Variants in LEKR1 observed in about 807,000 individuals in gnomAD.
LEKR1 encodes the protein protein LEKR1.
A neutral mutation model predicts 72.4 loss-of-function variants in LEKR1; 59 were observed. That is an observed-to-expected ratio of 0.82 (90% CI 0.66 to 1.01). The LOEUF (loss-of-function observed/expected upper bound fraction) is 1.01. Among genes scored for constraint, LEKR1 ranks in the 50% least tolerant of loss-of-function variants. LEKR1 has a pLI of 0.00. For synonymous variants in LEKR1, 257 were observed against 263.2 expected (o/e 0.98, Z 0.23); for missense variants, 728 against 759.2 (o/e 0.96, Z 0.48).
Position 156,948,254 on chromosome 3 carries a change from T to G in LEKR1, c.745+5540T>G, listed in dbSNP as rs1431328835. On this transcript the variant is annotated intron_variant, in intron 6 of 12. Transcript: ENST00000356539. ...TTGCCATTCTTGTTAAATTTGTTAC[T>G]GTCAGTTTTGCCTCTACCATAAATA... 4.0e-5 allele frequency among the ~76,000 whole-genome samples: 6 copies of G among 151,280 alleles called. No homozygotes were observed. The Admixed American group carries it at 4.0e-4, about 10-fold the overall frequency.
At chr3:156,895,444 A>G (rs1411286080) in intron 3 of LEKR1, among the ~76,000 whole-genome samples, 1 of 152,034 alleles carries the variant, frequency 6.6e-6, no homozygotes, top group East Asian at 1.9e-4. Context: ...CAGAAACCCC[A>G]TCTCTACAAA....
chr3:157,033,801 T>G (rs1734785086), intron 12 of LEKR1, among the ~76,000 whole-genome samples: 1 of 152,208 alleles, frequency 6.6e-6, no homozygotes, highest in Non-Finnish European at 1.5e-5. Flanking sequence ...ACAGAAGCTT[T>G]GAAGCCAAAC....
intron 2 of LEKR1, among the ~76,000 whole-genome samples, chr3:156,830,383 T>C (rs562317885): frequency 6.6e-6 from 1 of 152,322 alleles, no homozygotes; most frequent in African/African-American, 2.4e-5. Flanking sequence ...GGAAGTACTT[T>C]CAAGAAGCAG....
rs184532808 is a variant in LEKR1 at position 157,021,648 on chromosome 3, A to G, written c.1204-3112A>G. 8.3e-4 allele frequency among the ~76,000 whole-genome samples: 126 copies of G among 152,254 alleles called. 1 individual carries two copies. Among genetic ancestry groups the G allele is most frequent in the African/African-American group, 3.0e-3 (124 of 41,570 alleles). ...GAGCAATCAATCCGTATTTGGAAAG[A>G]TGTCGTTTTGTCCTAAAATAGCTAT... On this transcript the variant is annotated intron_variant, in intron 10 of 12. Coordinates refer to ENST00000356539, the MANE Select transcript of LEKR1 (RefSeq NM_001004316.3).
At chr3:156,998,648 A>G (rs1012642149) in intron 9 of LEKR1, among the ~76,000 whole-genome samples, 1 of 152,156 alleles carries the variant, frequency 6.6e-6, no homozygotes, top group Admixed American at 6.5e-5. Flanking sequence ...GATATAAATA[A>G]TATACATCTG....
intron 3 of LEKR1, among the ~76,000 whole-genome samples, chr3:156,884,220 C>G (rs1449572330): frequency 6.6e-6 from 1 of 152,118 alleles, no homozygotes; most frequent in Admixed American, 6.6e-5. Context: ...GGATTTTCAT[C>G]CATTCTGCTG....
At chr3:156,978,518 T>C (rs1729898955) in intron 6 of LEKR1, among the ~76,000 whole-genome samples, 1 of 152,194 alleles carries the variant, frequency 6.6e-6, no homozygotes, top group African/African-American at 2.4e-5. Flanking sequence ...CACAGGACAA[T>C]GGAAGGACTT....
intron 5 of LEKR1, among the ~76,000 whole-genome samples, chr3:156,934,469 C>G (rs1243042706): frequency 6.6e-6 from 1 of 152,162 alleles, no homozygotes; most frequent in African/African-American, 2.4e-5. Flanking sequence ...AGGCTTCATT[C>G]ATTAGCTACA....
intron 4 of LEKR1, 149 bp from the exon 5 acceptor site, chr3:156,927,280 T>C (rs1724805541): frequency 4.4e-6 from 1 of 229,200 alleles, no homozygotes; most frequent in Non-Finnish European, 8.4e-6. Flanking sequence ...GTGTTTTGTC[T>C]CAGCATAATA....
At chr3:156,981,819 A>G (rs1730232365) in intron 7 of LEKR1, among the ~76,000 whole-genome samples, 1 of 152,244 alleles carries the variant, frequency 6.6e-6, no homozygotes, top group African/African-American at 2.4e-5. Context: ...TTGATATATT[A>G]ATACAATTTG....
chr3:157,028,367 C>T lies in LEKR1; in HGVS notation c.1633C>T (p.Gln545Ter), dbSNP rs749332044. ...GAAAAGAGTAATGCTGGCTCAAACA[C>T]AACTGATAGAGCAATTTAACCAGTC... Reference protein sequence around the residue: ...ELKRVMLAQTQLIEQFNQSQE... With the variant: ...ELKRVMLAQT The change falls in exon 12 of 13, where the codon CAA becomes TAA. Residue 545 changes from glutamine (Q) to a stop codon, truncating the protein, a stop_gained. Coordinates refer to ENST00000356539, the MANE Select transcript of LEKR1 (RefSeq NM_001004316.3). LOFTEE classifies it low-confidence loss of function (END_TRUNC). 7 of 1,610,128 alleles carry T rather than the reference C, an allele frequency of 4.3e-6. No homozygotes were observed. The African/African-American group carries it at 5.4e-5, about 12-fold the overall frequency.
At chr3:156,849,785 G>A (rs1715111099) in intron 2 of LEKR1, among the ~76,000 whole-genome samples, 1 of 152,080 alleles carries the variant, frequency 6.6e-6, no homozygotes, top group Admixed American at 6.6e-5. Flanking sequence ...TTACATGTTA[G>A]ACCTAAAACC....
At chr3:157,023,457 GT>G (rs1733975974) in intron 10 of LEKR1, among the ~76,000 whole-genome samples, 1 of 152,176 alleles carries the variant, frequency 6.6e-6, no homozygotes, top group Non-Finnish European at 1.5e-5. Flanking sequence ...GAAGGAGTGA[GT>G]TATGGTTTCT....
intron 5 of LEKR1, among the ~76,000 whole-genome samples, chr3:156,938,736 T>C (rs1271405459): frequency 6.6e-6 from 1 of 152,222 alleles, no homozygotes; most frequent in African/African-American, 2.4e-5. Context: ...GGTCACTGCA[T>C]CTTTTTCCCT....
intron 4 of LEKR1, among the ~76,000 whole-genome samples, chr3:156,926,571 C>T (rs1274082113): frequency 6.6e-6 from 1 of 151,926 alleles, no homozygotes; most frequent in Non-Finnish European, 1.5e-5. Context: ...TTGAGGGATT[C>T]TTTTTAGTTT....
At chr3:156,850,095 G>A (rs191095933) in intron 2 of LEKR1, among the ~76,000 whole-genome samples, 84 of 151,962 alleles carry the variant, frequency 5.5e-4, no homozygotes, top group African/African-American at 1.9e-3. Flanking sequence ...AAAAGTGGGC[G>A]AAGGATATGA....
At position 157,026,096 on chromosome 3, in the gene LEKR1, T is replaced by C. The variant is rs139183939; in HGVS notation, c.1368+1172T>C. On this transcript the variant is annotated intron_variant, in intron 11 of 12. Transcript: ENST00000356539. ...AGTGATTTTATCTTTGAACTTCTGT[T>C]TTGTAAGTGAAATCCTACTGTGGCA... is the stretch of plus-strand genomic sequence containing the variant. Among the ~76,000 whole-genome samples the C allele has an allele frequency of 1.5e-4, 23 of 152,250 alleles. No individual in the cohort carries two copies. The East Asian group carries it at 4.1e-3, about 27-fold the overall frequency.
intron 10 of LEKR1, among the ~76,000 whole-genome samples, chr3:157,014,799 T>C (rs1468249154): frequency 6.6e-6 from 1 of 152,172 alleles, no homozygotes; most frequent in Admixed American, 6.6e-5. Context: ...GTAATTTTCA[T>C]TATTATGACA....
chr3:156,963,334 C>T (rs9875585), intron 6 of LEKR1, among the ~76,000 whole-genome samples: 77,382 of 151,886 alleles, frequency 0.51, 21,335 homozygotes, highest in East Asian at 0.73. Context: ...CTAACACCTA[C>T]GTGGGCACAC....
Sources: allele counts gnomAD v4.1 joint callset (sites outside exome capture counted in the v4.1 genomes callset), GRCh38; gene constraint gnomAD v4.1.1; transcripts MANE v1.5; gene names NCBI Gene and HGNC (gene_info 2026-07-23, HGNC 2026-07-21).